Variants in TRAF3IP1 observed in about 807,000 individuals in gnomAD.
TRAF3IP1 encodes TRAF3-interacting protein 1.
In TRAF3IP1, 53 loss-of-function variants were observed where a neutral mutation model predicts 89.9. The observed-to-expected ratio is 0.59, with a 90% CI of 0.47 to 0.74. The LOEUF is 0.74. Among genes scored for constraint, TRAF3IP1 ranks in the 30% least tolerant of loss-of-function variants. TRAF3IP1 has a pLI of 0.00. For missense variants in TRAF3IP1, 806 were observed against 866.1 expected (o/e 0.93, Z 0.87); for synonymous variants, 311 against 322.1 (o/e 0.97, Z 0.37).
At chr2:238,352,518 A>G (rs1699218930) in intron 12 of TRAF3IP1, among the ~76,000 whole-genome samples, 3 of 151,882 alleles carry the variant, frequency 2.0e-5, no homozygotes, top group Non-Finnish European at 4.4e-5. Context: ...GTCTTTGTGC[A>G]GTAGAGGGCA....
intron 7 of TRAF3IP1, among the ~76,000 whole-genome samples, chr2:238,336,815 A>G (rs2106375271): frequency 6.6e-6 from 1 of 152,310 alleles, no homozygotes; most frequent in East Asian, 1.9e-4. Context: ...AACTTTTCCT[A>G]CTGTAAAGCT....
At chr2:238,360,393 G>A (rs1411685454) in intron 15 of TRAF3IP1, among the ~76,000 whole-genome samples, 3 of 152,098 alleles carry the variant, frequency 2.0e-5, no homozygotes, top group East Asian at 3.9e-4. Context: ...CTGGGAGGCC[G>A]AAATGTGAGG....
At chr2:238,364,650 TAATA>T (rs1431930139) in intron 15 of TRAF3IP1, among the ~76,000 whole-genome samples, 5 of 152,152 alleles carry the variant, frequency 3.3e-5, no homozygotes, top group South Asian at 2.1e-4. Flanking sequence ...ATCTAATTAT[TAATA>T]AATATGATTT....
At chr2:238,347,612 A>C in intron 10 of TRAF3IP1, 137 bp downstream of exon 10, 1 of 782,726 alleles carries the variant, frequency 1.3e-6, no homozygotes, top group East Asian at 2.7e-5. Flanking sequence ...GATCATAACT[A>C]CCCTAATGTA....
At chr2:238,327,665 G>A (rs1697904570) in intron 3 of TRAF3IP1, among the ~76,000 whole-genome samples, 1 of 152,076 alleles carries the variant, frequency 6.6e-6, no homozygotes, top group Non-Finnish European at 1.5e-5. Flanking sequence ...TTCATCTGCA[G>A]CCATCACCAC....
rs1056101974 is a variant in TRAF3IP1, at chr2:238,344,759, G to C, written c.1261+161G>C. 5.6e-6 allele frequency: 4 copies of C among 713,422 alleles called. No individual in the cohort carries two copies. In the African/African-American group the frequency reaches 7.0e-5, roughly 12 times the overall value. The allele number at this position is 713,422 out of a possible 1,614,324, so 44.2% of individuals were successfully genotyped here. ...CACTTCTGCCTTTTTGCATAAACTA[G>C]AATCGAACATGGTGGTTTCTTGATA... is the stretch of plus-strand genomic sequence containing the variant. On this transcript the variant is annotated intron_variant, in intron 9 of 16. Transcript: ENST00000373327.
intron 15 of TRAF3IP1, among the ~76,000 whole-genome samples, chr2:238,357,683 T>C (rs1348540454): frequency 1.3e-5 from 2 of 152,228 alleles, no homozygotes; most frequent in Admixed American, 6.5e-5. Context: ...TAATACATTA[T>C]AGTCCTTTCT....
chr2:238,383,274 G>T (rs146510916), intron 15 of TRAF3IP1, among the ~76,000 whole-genome samples: 1 of 152,276 alleles, frequency 6.6e-6, no homozygotes, highest in African/African-American at 2.4e-5. Flanking sequence ...CAAACTTGCG[G>T]GTCTCTTTTC....
intron 9 of TRAF3IP1, 67 bp from the exon 10 acceptor site, chr2:238,347,388 T>G: frequency 6.5e-7 from 1 of 1,545,186 alleles, no homozygotes; most frequent in Non-Finnish European, 8.9e-7. Flanking sequence ...TCCAATTCTG[T>G]TCTCATCATT....
chr2:238,370,428 T>G (rs1049927965), intron 15 of TRAF3IP1, among the ~76,000 whole-genome samples: 2 of 152,176 alleles, frequency 1.3e-5, no homozygotes, highest in Admixed American at 6.5e-5. Context: ...GTCTGTGATA[T>G]ATGTGTATGT....
At chr2:238,369,542 C>T (rs1032718678) in intron 15 of TRAF3IP1, among the ~76,000 whole-genome samples, 1 of 151,960 alleles carries the variant, frequency 6.6e-6, no homozygotes, top group East Asian at 1.9e-4. Context: ...GACTGGCCCC[C>T]GGTTTGGGTT....
At chr2:238,390,842 C>T (rs981995762) in intron 15 of TRAF3IP1, among the ~76,000 whole-genome samples, 2 of 152,056 alleles carry the variant, frequency 1.3e-5, no homozygotes, top group African/African-American at 2.4e-5. Flanking sequence ...GTTGTACCAG[C>T]CCCTGGAACC....
chr2:238,350,332 G>A (rs1281509219), intron 12 of TRAF3IP1, among the ~76,000 whole-genome samples: 5 of 152,152 alleles, frequency 3.3e-5, no homozygotes. Flanking sequence ...CAGGGGTTTG[G>A]TGGAGCAGAG....
Position 238,352,861 on chromosome 2 carries a change from A to G in TRAF3IP1, c.1486A>G (p.Thr496Ala). 1.9e-6 allele frequency: 3 copies of G among 1,613,314 alleles called. No homozygotes were observed. Among genetic ancestry groups the G allele is most frequent in the Non-Finnish European group, 2.5e-6 (3 of 1,179,542 alleles). ...GSGKTVSNVI[T>A]ESHNSDNEED... ...TGGTAAAACCGTTTCAAATGTGATTACAGAGTCACACAATTCTGACAATGA... is the reference window on the plus strand; with the variant it reads ...TGGTAAAACCGTTTCAAATGTGATTGCAGAGTCACACAATTCTGACAATGA... The change falls in exon 13 of 17, where the codon ACA becomes GCA. Residue 496 changes from threonine (T) to alanine (A), a missense_variant. Thr to Ala is a moderately conservative substitution (Grantham distance 58). Transcript: ENST00000373327.
In TRAF3IP1 at chr2:238,398,980, A is replaced by G; in HGVS notation, c.*61A>G. On this transcript the variant is annotated 3_prime_UTR_variant, in exon 17 of 17. Coordinates refer to ENST00000373327, the MANE Select transcript of TRAF3IP1 (RefSeq NM_015650.4). ...GTTTAAAAGCAAAAAGGAAGATAGAAAATCATTACTCTTTTAAGTTCCAGT... is the reference window on the plus strand; with the variant it reads ...GTTTAAAAGCAAAAAGGAAGATAGAGAATCATTACTCTTTTAAGTTCCAGT... 8.4e-6 allele frequency: 12 copies of G among 1,429,060 alleles called. No homozygotes were observed. Among genetic ancestry groups the G allele is most frequent in the Non-Finnish European group, 1.0e-5 (11 of 1,052,402 alleles). 88.5% of individuals were successfully genotyped at this position (1,429,060 alleles called of 1,614,324 possible).
intron 12 of TRAF3IP1, among the ~76,000 whole-genome samples, chr2:238,349,645 T>C (rs1426108319): frequency 6.6e-6 from 1 of 152,166 alleles, no homozygotes; most frequent in Non-Finnish European, 1.5e-5. Flanking sequence ...TGGGAAAATG[T>C]TGGACTGCAT....
intron 15 of TRAF3IP1, among the ~76,000 whole-genome samples, chr2:238,378,253 T>A (rs1196492786): frequency 6.6e-6 from 1 of 152,224 alleles, no homozygotes; most frequent in Admixed American, 6.5e-5. Flanking sequence ...GACACCTAAG[T>A]TACTAGTTTT....
chr2:238,349,358 C>T lies in TRAF3IP1; in HGVS notation c.1401C>T (p.Ala467=), dbSNP rs759439499. The part of the protein sequence containing the change: ...RIPRPGSARP[A]PPRVKRQDSM... ...CTCGGCCTGGGAGTGCAAGACCAGC[C>T]CCTCCCCGGGTCAAACGGCAAGACA... Residue 467 remains alanine (A), a synonymous_variant, in exon 12 of 17, where the codon GCC becomes GCT. Transcript: ENST00000373327. 6.2e-7 allele frequency: 1 copy of T among 1,614,120 alleles called. No homozygotes were observed. Among genetic ancestry groups the T allele is most frequent in the Non-Finnish European group, 8.5e-7 (1 of 1,180,040 alleles).
chr2:238,366,108 T>A (rs888829773), intron 15 of TRAF3IP1, among the ~76,000 whole-genome samples: 4 of 152,094 alleles, frequency 2.6e-5, no homozygotes, highest in Non-Finnish European at 5.9e-5. Flanking sequence ...GGCAGGCGCC[T>A]GTAGTCCCAG....
Sources: gnomAD v4.1 joint callset for allele counts (sites outside exome capture counted in the v4.1 genomes callset) on GRCh38, gnomAD v4.1.1 for gene constraint, MANE v1.5 for transcripts, NCBI Gene and HGNC (gene_info 2026-07-23, HGNC 2026-07-21) for gene names.